The following PITPNC1 variants were observed in gnomAD, a reference collection of about 807,000 sequenced individuals.
PITPNC1 encodes the protein phosphatidylinositol transfer protein cytoplasmic 1.
Under a neutral mutation model 44.7 loss-of-function variants are expected in PITPNC1, and 18 were observed. The observed-to-expected ratio is 0.40, with a 90% CI of 0.28 to 0.60. The LOEUF (loss-of-function observed/expected upper bound fraction) is 0.60, where lower values mean the gene tolerates loss of function less well. Ranked by LOEUF, PITPNC1 falls within the 20% of genes least tolerant of loss-of-function variation. PITPNC1 has a pLI of 0.39. For synonymous variants in PITPNC1, 141 were observed against 149.6 expected (o/e 0.94, Z 0.42); for missense variants, 290 against 418.4 (o/e 0.69, Z 2.68).
chr17:67,450,581 G>A (rs77214483), intron 1 of PITPNC1, among the ~76,000 whole-genome samples: 2,470 of 151,760 alleles, frequency 0.016, 81 homozygotes, highest in African/African-American at 0.055. Context: ...GCACACCACC[G>A]TGCCCACTAA....
chr17:67,634,202 A>G (rs2042004147), intron 6 of PITPNC1, among the ~76,000 whole-genome samples: 2 of 152,166 alleles, frequency 1.3e-5, no homozygotes, highest in African/African-American at 4.8e-5. Context: ...AGCTTGGCCA[A>G]GGAGATGAGT....
At chr17:67,607,770 T>C (rs537184859) in intron 5 of PITPNC1, among the ~76,000 whole-genome samples, 8 of 150,692 alleles carry the variant, frequency 5.3e-5, no homozygotes, top group Non-Finnish European at 1.0e-4. Context: ...CTCTTGTTGC[T>C]CAGGCTGGAG....
chr17:67,640,048 C>G lies in PITPNC1; in HGVS notation c.462+7810C>G, dbSNP rs145084110. Among the ~76,000 whole-genome samples the G allele has an allele frequency of 5.5e-4, 84 of 152,106 alleles. 1 individual carries two copies. Among genetic ancestry groups the G allele is most frequent in the African/African-American group, 1.9e-3 (78 of 41,520 alleles). ...ACAGCTGCCTCATGCCGGGGTACATCGTTAAGTTCACTTGGTTGTGCTGTT... is the reference window on the plus strand; with the variant it reads ...ACAGCTGCCTCATGCCGGGGTACATGGTTAAGTTCACTTGGTTGTGCTGTT... On this transcript the variant is annotated intron_variant, in intron 6 of 8. Coordinates refer to ENST00000581322, the MANE Select transcript of PITPNC1 (RefSeq NM_012417.4).
chr17:67,686,404 T>C (rs1371964328), intron 8 of PITPNC1, among the ~76,000 whole-genome samples: 5 of 151,894 alleles, frequency 3.3e-5, no homozygotes, highest in Non-Finnish European at 7.4e-5. Context: ...CCAAAAATCA[T>C]GTCATGTGCC....
At chr17:67,588,826 T>G (rs1258178980) in intron 5 of PITPNC1, among the ~76,000 whole-genome samples, 1 of 152,252 alleles carries the variant, frequency 6.6e-6, no homozygotes, top group African/African-American at 2.4e-5. Context: ...TTTACAGGTC[T>G]CTGGAGCTGA....
chr17:67,465,928 G>A (rs550041015), intron 1 of PITPNC1, among the ~76,000 whole-genome samples: 17 of 152,070 alleles, frequency 1.1e-4, no homozygotes, highest in African/African-American at 4.1e-4. Context: ...AACTTCAGGT[G>A]TCTTGGGAGT....
rs190844828 is a variant in PITPNC1, at chr17:67,509,774, A to G, written c.49-23028A>G. Among the ~76,000 whole-genome samples the G allele has an allele frequency of 6.6e-4, 100 of 152,232 alleles. 2 individuals carry two copies. The East Asian group carries it at 0.012, about 18-fold the overall frequency. ...TACTTGGGGGTGGGGAGGAAGAATC[A>G]ACTTCCTGAGTGTATTAACTCAGAG... is the stretch of plus-strand genomic sequence containing the variant. On this transcript the variant is annotated intron_variant, in intron 1 of 8. Transcript: ENST00000581322.
At chr17:67,488,658 G>A (rs1048337153) in intron 1 of PITPNC1, among the ~76,000 whole-genome samples, 4 of 152,088 alleles carry the variant, frequency 2.6e-5, no homozygotes, top group African/African-American at 7.2e-5. Context: ...TCCTATCGTT[G>A]TACCAGTATC....
chr17:67,501,622 A>G (rs879624788), intron 1 of PITPNC1, among the ~76,000 whole-genome samples: 4 of 152,166 alleles, frequency 2.6e-5, no homozygotes, highest in Non-Finnish European at 4.4e-5. Context: ...GCCTGAGGTC[A>G]GGAGTTCAAG....
At chr17:67,634,688 A>T (rs1163924505) in intron 6 of PITPNC1, among the ~76,000 whole-genome samples, 2 of 152,192 alleles carry the variant, frequency 1.3e-5, no homozygotes, top group African/African-American at 2.4e-5. Flanking sequence ...GCAGGAAGGC[A>T]GGTACGGGGA....
rs2042614346 is a variant in PITPNC1 at position 67,676,939 on chromosome 17, A to C, written c.682+1397A>C. 6.6e-6 allele frequency among the ~76,000 whole-genome samples: 1 copy of C among 151,796 alleles called. No homozygotes were observed. The highest frequency in any genetic ancestry group is 1.5e-5 in the Non-Finnish European group (1 of 67,990). Reference sequence around the variant, plus strand: ...CAGATCATTTATGCTCTCTTATCACACACCCACAGAATGCCGCTCTCATAC... The same window carrying C: ...CAGATCATTTATGCTCTCTTATCACCCACCCACAGAATGCCGCTCTCATAC... On this transcript the variant is annotated intron_variant, in intron 8 of 8. Coordinates refer to ENST00000581322, the MANE Select transcript of PITPNC1 (RefSeq NM_012417.4). The surrounding 1 kb of genome is among the most constrained non-coding windows in gnomAD (Gnocchi z 4.0).
At chr17:67,619,060 AAAAAATAAAAAAT>A (rs1289676700) in intron 5 of PITPNC1, among the ~76,000 whole-genome samples, 3 of 152,226 alleles carry the variant, frequency 2.0e-5, no homozygotes, top group Middle Eastern at 3.4e-3. Context: ...CTCTGTCTCA[AAAAAATAAAAAAT>A]AAAAATAAAA....
At chr17:67,614,022 G>C (rs1273720577) in intron 5 of PITPNC1, among the ~76,000 whole-genome samples, 1 of 150,048 alleles carries the variant, frequency 6.7e-6, no homozygotes, top group East Asian at 2.0e-4. Context: ...GGGAGGTTGA[G>C]GCTACAGTGA....
intron 1 of PITPNC1, among the ~76,000 whole-genome samples, chr17:67,397,167 G>T (rs1394096607): frequency 1.3e-5 from 2 of 151,958 alleles, no homozygotes; most frequent in African/African-American, 2.4e-5. Flanking sequence ...TTTTAGTATA[G>T]ACGGGGTTTC....
intron 1 of PITPNC1, among the ~76,000 whole-genome samples, chr17:67,472,562 G>A (rs1355577808): frequency 6.6e-6 from 1 of 151,208 alleles, no homozygotes; most frequent in Non-Finnish European, 1.5e-5. Flanking sequence ...CAGGAGAATG[G>A]TGTGAATCCA....
chr17:67,683,074 C>T (rs763437792), intron 8 of PITPNC1, among the ~76,000 whole-genome samples: 7 of 148,842 alleles, frequency 4.7e-5, no homozygotes, highest in Non-Finnish European at 8.9e-5. Context: ...GCAGGAGAAT[C>T]GCTTGAACCC....
At chr17:67,407,487 AAC>A (rs2038417447) in intron 1 of PITPNC1, among the ~76,000 whole-genome samples, 2 of 152,234 alleles carry the variant, frequency 1.3e-5, no homozygotes, top group South Asian at 4.2e-4. Context: ...TGACCTTTAA[AAC>A]ACAAAAGTTT....
intron 1 of PITPNC1, among the ~76,000 whole-genome samples, chr17:67,491,653 A>C (rs1032887850): frequency 6.6e-6 from 1 of 152,188 alleles, no homozygotes; most frequent in Admixed American, 6.5e-5. Flanking sequence ...AGCTCCAGCA[A>C]CATAGTAAGA....
At chr17:67,389,901 G>C (rs61444486) in intron 1 of PITPNC1, among the ~76,000 whole-genome samples, 1 of 151,962 alleles carries the variant, frequency 6.6e-6, no homozygotes, top group Non-Finnish European at 1.5e-5. Flanking sequence ...GGATGGTCTC[G>C]AACTCCTGAC....
Sources: allele counts gnomAD v4.1 joint callset (sites outside exome capture counted in the v4.1 genomes callset), GRCh38; gene constraint gnomAD v4.1.1; non-coding constraint Gnocchi (gnomAD v3.1); transcripts MANE v1.5; gene names NCBI Gene and HGNC (gene_info 2026-07-23, HGNC 2026-07-21).